The following RALGAPB variants were observed in gnomAD, a reference collection of about 807,000 sequenced individuals.
RALGAPB encodes the protein Ral GTPase activating protein non-catalytic subunit beta, also known as ral GTPase-activating protein subunit beta.
Under a neutral mutation model 161.1 loss-of-function variants are expected in RALGAPB, and 25 were observed. The ratio of observed to expected loss-of-function variants is 0.16; its 90% confidence interval spans 0.11 to 0.22. RALGAPB has a LOEUF of 0.22. Ranked by LOEUF, RALGAPB falls within the 10% of genes least tolerant of loss-of-function variation. The pLI is 1.00. For missense variants in RALGAPB, 1,391 were observed against 1,815.2 expected, an observed-to-expected ratio of 0.77 and a Z score of 4.25; for synonymous variants, 629 against 626.1, an observed-to-expected ratio of 1.00 and a Z score of -0.07.
rs905944553 is a variant in RALGAPB at position 38,577,335 on chromosome 20, C to T, written c.*2368C>T. On this transcript the variant is annotated 3_prime_UTR_variant, in exon 30 of 30. Transcript: ENST00000262879. Reference sequence around the variant, plus strand: ...AGCACTGGAGGAACATATTTAGCACCTAATATTAATATTTAGTAGTCCATT... The same window carrying T: ...AGCACTGGAGGAACATATTTAGCACTTAATATTAATATTTAGTAGTCCATT... The T allele has an allele frequency of 6.6e-6, 1 of 152,228 alleles. No homozygotes were observed. Among genetic ancestry groups the T allele is most frequent in the South Asian group, 2.1e-4 (1 of 4,824 alleles). 9.4% of individuals were successfully genotyped at this position (152,228 alleles called of 1,614,324 possible).
At position 38,517,526 on chromosome 20, in the gene RALGAPB, G is replaced by A. The variant is rs763259836; in HGVS notation, c.1072G>A (p.Asp358Asn). 1 of 1,587,334 alleles carries A rather than the reference G, an allele frequency of 6.3e-7. No homozygotes were observed. The highest frequency in any genetic ancestry group is 1.9e-5 in the Admixed American group (1 of 53,474). Reference protein sequence around the residue: ...AFLGISRPRSDSAPPTPVNRL... With the variant: ...AFLGISRPRSNSAPPTPVNRL... ...TTAAGGTATTTCTAGACCCCGATCA[G>A]ACAGTGCTCCCCCAACACCCGTGAA... The change falls in exon 8 of 30, where the codon GAC (aspartate) becomes AAC (asparagine). Residue 358 changes from aspartate (D) to asparagine (N), a missense_variant. Coordinates refer to ENST00000262879, the MANE Select transcript of RALGAPB (RefSeq NM_020336.4).
chr20:38,559,694 A>AAAAAC (rs562289465), intron 23 of RALGAPB, among the ~76,000 whole-genome samples: 228 of 152,352 alleles, frequency 1.5e-3, no homozygotes, highest in Non-Finnish European at 2.7e-3. Flanking sequence ...ACTCCATCTC[A>AAAAAC]AAAACAAAAC....
intron 23 of RALGAPB, among the ~76,000 whole-genome samples, chr20:38,559,952 T>C (rs1322190938): frequency 6.6e-6 from 1 of 152,206 alleles, no homozygotes; most frequent in Non-Finnish European, 1.5e-5. Flanking sequence ...TGTGACTACA[T>C]GATCCTGGAA....
chr20:38,513,047 A>G (rs996375797), intron 6 of RALGAPB, among the ~76,000 whole-genome samples: 1 of 151,784 alleles, frequency 6.6e-6, no homozygotes, highest in Non-Finnish European at 1.5e-5. Context: ...GGCTTGAGCC[A>G]CCACGCCCGG....
intron 24 of RALGAPB, among the ~76,000 whole-genome samples, chr20:38,563,528 G>C (rs771274034): frequency 6.6e-6 from 1 of 152,188 alleles, no homozygotes. Flanking sequence ...AAGTAGCAGA[G>C]CAAGTATAAA....
At chr20:38,515,646 A>G (rs1019270566) in intron 6 of RALGAPB, among the ~76,000 whole-genome samples, 1 of 152,206 alleles carries the variant, frequency 6.6e-6, no homozygotes, top group African/African-American at 2.4e-5. Flanking sequence ...TTAATTGAAA[A>G]TGTTAATATT....
In RALGAPB at chr20:38,485,870, G is replaced by A. The variant is rs184037089; in HGVS notation, c.-30-2533G>A. On this transcript the variant is annotated intron_variant, in intron 1 of 29. Transcript: ENST00000262879. ...TTATAATGCATTTCTTTGTTTTAAT[G>A]TTTTTTGTCTGCATTTTGTTAAAGT... Among the ~76,000 whole-genome samples the A allele has an allele frequency of 2.0e-5, 3 of 146,970 alleles. No individual in the cohort carries two copies. In the East Asian group the frequency reaches 6.1e-4, roughly 30 times the overall value.
Position 38,483,032 on chromosome 20 carries a change from G to A in RALGAPB, c.-30-5371G>A, listed in dbSNP as rs542193725. 2.0e-5 allele frequency among the ~76,000 whole-genome samples: 3 copies of A among 152,326 alleles called. No homozygotes were observed. The South Asian group carries it at 6.2e-4, about 32-fold the overall frequency. On this transcript the variant is annotated intron_variant, in intron 1 of 29. Coordinates refer to ENST00000262879, the MANE Select transcript of RALGAPB (RefSeq NM_020336.4). ...CTTCAGAGTAGCTGGGACTACAGGT[G>A]TGTGCCACCACGCCTGGCTAACTTT...
Position 38,494,499 on chromosome 20 carries a change from C to T in RALGAPB, c.389+1367C>T, listed in dbSNP as rs149657228. ...TACAAAACTTAGCCGGGTGTGGCGG[C>T]ATGTGCTTATAATCCCAGCTACATG... is the stretch of plus-strand genomic sequence containing the variant. On this transcript the variant is annotated intron_variant, in intron 3 of 29. Transcript: ENST00000262879. Among the ~76,000 whole-genome samples the T allele has an allele frequency of 5.9e-5, 9 of 152,232 alleles. No individual in the cohort carries two copies. In the East Asian group the frequency reaches 1.5e-3, roughly 26 times the overall value.
At chr20:38,548,888 T>C in intron 20 of RALGAPB, 93 bp downstream of exon 20, 1 of 1,080,852 alleles carries the variant, frequency 9.3e-7, no homozygotes, top group Non-Finnish European at 1.4e-6. Flanking sequence ...AAATAAATAT[T>C]TTTGATCCCT....
At position 38,488,601 on chromosome 20, in the gene RALGAPB, T is replaced by C; in HGVS notation, c.169T>C (p.Leu57=). The C allele has an allele frequency of 3.7e-6, 6 of 1,612,086 alleles. No homozygotes were observed. Among genetic ancestry groups the C allele is most frequent in the Non-Finnish European group, 5.1e-6 (6 of 1,179,124 alleles). ...TTCAGTGGCTGGTAGTGAGAATTTG[T>C]TAAAAACTGACAAAGAAGTAAGTGT... ...TPSVAGSENL[L]KTDKEVKWTM... is the part of the protein sequence containing the mutation. Residue 57 remains leucine, a synonymous_variant, in exon 2 of 30, where the codon TTA becomes CTA. Coordinates refer to ENST00000262879, the MANE Select transcript of RALGAPB (RefSeq NM_020336.4).
chr20:38,514,174 G>A (rs1346581989), intron 6 of RALGAPB, among the ~76,000 whole-genome samples: 1 of 152,216 alleles, frequency 6.6e-6, no homozygotes, highest in African/African-American at 2.4e-5. Context: ...CCTTTCTCAT[G>A]TTGGGGAGGG....
Position 38,499,584 on chromosome 20 carries a change from C to A in RALGAPB, c.691C>A (p.Pro231Thr). The change falls in exon 5 of 30, where the codon CCA (proline) becomes ACA (threonine). Residue 231 changes from proline to threonine, a missense_variant. By Grantham distance (38) the Pro-to-Thr change is conservative. Around this residue, in one of 3 missense-constraint regions of RALGAPB, gnomAD observed 946 missense variants for 1,257.2 expected, o/e 0.75. Coordinates refer to ENST00000262879, the MANE Select transcript of RALGAPB (RefSeq NM_020336.4). ...KEMVANWRHH[P>T]AVVEQWSKVI... ...GATGGTGGCTAACTGGAGGCATCAC[C>A]CAGCAGTGGTGGAGCAGTGGAGCAA... 6.2e-7 allele frequency: 1 copy of A among 1,613,848 alleles called. No individual in the cohort carries two copies. Among genetic ancestry groups the A allele is most frequent in the South Asian group, 1.1e-5 (1 of 91,072 alleles).
At chr20:38,524,455 C>T (rs1378658602) in intron 10 of RALGAPB, among the ~76,000 whole-genome samples, 1 of 151,606 alleles carries the variant, frequency 6.6e-6, no homozygotes, top group African/African-American at 2.4e-5. Context: ...CTTTGAGTTG[C>T]AAGGCTTAAG....
chr20:38,559,669 G>A (rs1027651057), intron 23 of RALGAPB, among the ~76,000 whole-genome samples: 5 of 152,350 alleles, frequency 3.3e-5, no homozygotes, highest in African/African-American at 1.2e-4. Flanking sequence ...ACTCCAGCCT[G>A]GGCGAAGAAG....
At position 38,473,075 on chromosome 20, in the gene RALGAPB, C is replaced by G; in HGVS notation, c.-31+6C>G. The G allele has an allele frequency of 2.8e-6, 1 of 362,912 alleles. No individual in the cohort carries two copies. Among genetic ancestry groups the G allele is most frequent in the Non-Finnish European group, 4.9e-6 (1 of 202,966 alleles). The allele number at this position is 362,912 out of a possible 1,614,324, so 22.5% of individuals were successfully genotyped here. A position where few individuals can be genotyped will look rare whatever the true frequency, so the allele number is the denominator to read the frequency against. ...GGCCCCGCCCGTCGCCTCAGGTAAC[C>G]GGGCAGCCGGCCCCGCCGCGGCCGG... is the stretch of plus-strand genomic sequence containing the variant. On this transcript the variant is annotated splice_donor_region_variant and intron_variant, in intron 1 of 29. Coordinates refer to ENST00000262879, the MANE Select transcript of RALGAPB (RefSeq NM_020336.4).
At chr20:38,518,737 G>T (rs979758472) in intron 9 of RALGAPB, among the ~76,000 whole-genome samples, 2 of 152,184 alleles carry the variant, frequency 1.3e-5, no homozygotes, top group Non-Finnish European at 2.9e-5. Flanking sequence ...ACAATGGCTG[G>T]CATTTATTGA....
At chr20:38,558,131 G>A (rs2087652959) in intron 22 of RALGAPB, among the ~76,000 whole-genome samples, 164 bp from the exon 23 acceptor site, 2 of 152,150 alleles carry the variant, frequency 1.3e-5, no homozygotes, top group African/African-American at 2.4e-5. Context: ...CTAAAAGGAA[G>A]TATGTTAAAT....
chr20:38,557,667 G>C (rs556747909), intron 22 of RALGAPB, among the ~76,000 whole-genome samples: 4 of 152,094 alleles, frequency 2.6e-5, no homozygotes, highest in Admixed American at 1.3e-4. Context: ...TGCATTTAAG[G>C]TTTCTTCATT....
Sources: gnomAD v4.1 joint callset for allele counts (sites outside exome capture counted in the v4.1 genomes callset) on GRCh38, gnomAD v4.1.1 for gene constraint, gnomAD v4.1.1 regional missense constraint, MANE v1.5 for transcripts, NCBI Gene and HGNC (gene_info 2026-07-23, HGNC 2026-07-21) for gene names.